Variants in TMEFF2 observed in about 807,000 individuals in gnomAD.
TMEFF2 encodes the protein transmembrane protein with EGF like and two follistatin like domains 2.
In TMEFF2, 28 loss-of-function variants were observed where a neutral mutation model predicts 53.8. The ratio of observed to expected loss-of-function variants is 0.52; its 90% CI spans 0.39 to 0.71. The LOEUF (loss-of-function observed/expected upper bound fraction) is 0.71. Ranked by LOEUF, TMEFF2 falls within the 30% of genes least tolerant of loss-of-function variation. The probability of loss-of-function intolerance (pLI) is 0.00; values close to 1 mark genes in which losing one functional copy is unlikely to be tolerated. For synonymous variants in TMEFF2, 162 were observed against 166.3 expected, an observed-to-expected ratio of 0.97 and a Z score of 0.20; for missense variants, 353 against 455.2, an observed-to-expected ratio of 0.78 and a Z score of 2.04.
intron 5 of TMEFF2, among the ~76,000 whole-genome samples, chr2:192,021,527 A>G (rs1220739852): frequency 6.6e-6 from 1 of 152,180 alleles, no homozygotes; most frequent in Non-Finnish European, 1.5e-5. Context: ...CTGAAAGAAC[A>G]GAGACCATAG....
chr2:192,147,323 G>A (rs1553526044), intron 4 of TMEFF2, among the ~76,000 whole-genome samples: 1 of 149,684 alleles, frequency 6.7e-6, no homozygotes, highest in Non-Finnish European at 1.5e-5. Context: ...CTTCCTTTAT[G>A]TTTTATTTTC....
intron 4 of TMEFF2, among the ~76,000 whole-genome samples, chr2:192,092,741 G>C (rs1688818686): frequency 6.6e-6 from 1 of 152,118 alleles, no homozygotes; most frequent in Non-Finnish European, 1.5e-5. Context: ...CAGATCAAGT[G>C]AGTAGAAGGT....
At chr2:192,128,561 GAA>G (rs1689733404) in intron 4 of TMEFF2, among the ~76,000 whole-genome samples, 1 of 152,284 alleles carries the variant, frequency 6.6e-6, no homozygotes, top group East Asian at 1.9e-4. Flanking sequence ...CTTATCGCAA[GAA>G]AAGAGTAGAC....
chr2:192,187,165 G>A (rs1268107178), intron 2 of TMEFF2, among the ~76,000 whole-genome samples: 1 of 152,102 alleles, frequency 6.6e-6, no homozygotes, highest in Non-Finnish European at 1.5e-5. Flanking sequence ...CTAGTCCTAA[G>A]TTGTCCTATC....
intron 5 of TMEFF2, among the ~76,000 whole-genome samples, chr2:192,042,969 A>T (rs1687521442): frequency 6.6e-6 from 1 of 152,190 alleles, no homozygotes; most frequent in South Asian, 2.1e-4. Flanking sequence ...TCTTCTCTGC[A>T]GGCCAGAACT....
intron 4 of TMEFF2, among the ~76,000 whole-genome samples, chr2:192,164,889 A>G (rs1690721986): frequency 6.6e-6 from 1 of 152,136 alleles, no homozygotes; most frequent in Non-Finnish European, 1.5e-5. Context: ...TAATAATATT[A>G]TGCTATGTTA....
intron 4 of TMEFF2, among the ~76,000 whole-genome samples, chr2:192,132,053 CACTG>C (rs1252303653): frequency 1.3e-5 from 2 of 151,728 alleles, no homozygotes; most frequent in African/African-American, 4.8e-5. Flanking sequence ...CCCCAAGCGT[CACTG>C]AGTCTTTCTA....
intron 4 of TMEFF2, among the ~76,000 whole-genome samples, chr2:192,132,910 G>A (rs998218953): frequency 1.3e-5 from 2 of 152,074 alleles, no homozygotes; most frequent in African/African-American, 4.8e-5. Context: ...TGATCACCTC[G>A]AAAGCCCCGT....
Position 192,184,457 on chromosome 2 carries a change from AC to A in TMEFF2, c.308del (p.Cys103LeufsTer152), listed in dbSNP as rs1559162281. On this transcript the variant is annotated frameshift_variant, in exon 3 of 10. Coordinates refer to ENST00000272771, the MANE Select transcript of TMEFF2 (RefSeq NM_016192.4). LOFTEE classifies it high-confidence loss of function. ...FKCNNDYVPV[C>X]GSNGESYQNE... ...TCTGGTAGCTCTCCCCATTGGAGCC[AC>A]ACACAGGCACATAGTCATTGTTGCA... The A allele has an allele frequency of 6.2e-7, 1 of 1,613,306 alleles. No individual in the cohort carries two copies. The highest frequency in any genetic ancestry group is 8.5e-7 in the Non-Finnish European group (1 of 1,179,460).
At chr2:192,105,990 C>T (rs1031080103) in intron 4 of TMEFF2, among the ~76,000 whole-genome samples, 1 of 151,734 alleles carries the variant, frequency 6.6e-6, no homozygotes, top group Non-Finnish European at 1.5e-5. Flanking sequence ...ATATCAATAG[C>T]TTTAACAATA....
At chr2:192,123,424 A>G (rs541308980) in intron 4 of TMEFF2, among the ~76,000 whole-genome samples, 1 of 152,168 alleles carries the variant, frequency 6.6e-6, no homozygotes, top group Non-Finnish European at 1.5e-5. Context: ...AGTCAATAAC[A>G]CTTAAATCTT....
intron 2 of TMEFF2, among the ~76,000 whole-genome samples, chr2:192,186,215 C>T (rs1691307664): frequency 6.6e-6 from 1 of 152,106 alleles, no homozygotes; most frequent in African/African-American, 2.4e-5. Context: ...TTAGGTGATA[C>T]CTGTGTAAGC....
At chr2:192,023,877 C>A (rs775777598) in intron 5 of TMEFF2, among the ~76,000 whole-genome samples, 1 of 152,076 alleles carries the variant, frequency 6.6e-6, no homozygotes, top group African/African-American at 2.4e-5. Context: ...GGTTTAGCAA[C>A]TTTCATTGAG....
At chr2:192,062,407 A>G (rs1688065745) in intron 4 of TMEFF2, among the ~76,000 whole-genome samples, 1 of 152,166 alleles carries the variant, frequency 6.6e-6, no homozygotes, top group Non-Finnish European at 1.5e-5. Flanking sequence ...GTTGAAGGAT[A>G]TCTGGGTTGT....
rs552067201 is a variant in TMEFF2 at position 191,997,909 on chromosome 2, AAACAAG to A, written c.745+347_745+352del. Among the ~76,000 whole-genome samples the A allele has an allele frequency of 7.9e-5, 12 of 152,020 alleles. No individual in the cohort carries two copies. In the East Asian group the frequency reaches 2.1e-3, roughly 27 times the overall value. On this transcript the variant is annotated intron_variant, in intron 7 of 9. Coordinates refer to ENST00000272771, the MANE Select transcript of TMEFF2 (RefSeq NM_016192.4). Reference sequence around the variant, plus strand: ...TCATTGTTGACTTTTATGAAAATTTAAACAAGAACATTTGCATTTATTATAATATAT... The same window carrying A: ...TCATTGTTGACTTTTATGAAAATTTAAACATTTGCATTTATTATAATATAT...
chr2:192,046,300 G>T (rs865944008), intron 5 of TMEFF2, among the ~76,000 whole-genome samples: 1 of 152,278 alleles, frequency 6.6e-6, no homozygotes, highest in South Asian at 2.1e-4. Context: ...GGAGGTGGAG[G>T]TTGCAGTGAA....
At chr2:192,110,341 G>A (rs1320397291) in intron 4 of TMEFF2, among the ~76,000 whole-genome samples, 1 of 152,062 alleles carries the variant, frequency 6.6e-6, no homozygotes, top group Non-Finnish European at 1.5e-5. Context: ...GAAATGGGTT[G>A]AGTGGTGATT....
At chr2:191,985,510 G>C (rs571626178) in intron 7 of TMEFF2, among the ~76,000 whole-genome samples, 2 of 152,222 alleles carry the variant, frequency 1.3e-5, no homozygotes, top group South Asian at 4.1e-4. Context: ...CCATCTTTCA[G>C]AGATAGTCTG....
intron 4 of TMEFF2, among the ~76,000 whole-genome samples, chr2:192,090,066 C>A (rs1356767158): frequency 6.6e-6 from 1 of 152,176 alleles, no homozygotes; most frequent in East Asian, 1.9e-4. Flanking sequence ...AGCATCACTT[C>A]ACTTATTTTC....
Sources: gnomAD v4.1 joint callset for allele counts (sites outside exome capture counted in the v4.1 genomes callset) on GRCh38, gnomAD v4.1.1 for gene constraint, MANE v1.5 for transcripts, NCBI Gene and HGNC (gene_info 2026-07-23, HGNC 2026-07-21) for gene names.